Variants in CELSR1 observed in about 807,000 individuals in gnomAD.
The protein encoded by CELSR1 is adhesion G protein-coupled receptor C1.
CELSR1 carries 110 observed loss-of-function variants against 249.1 expected under a neutral mutation model. The ratio of observed to expected loss-of-function variants is 0.44; its 90% confidence interval spans 0.38 to 0.52. The LOEUF (loss-of-function observed/expected upper bound fraction) is 0.52. Ranked by LOEUF, CELSR1 falls within the 20% of genes least tolerant of loss-of-function variation. The probability of loss-of-function intolerance (pLI) is 0.00; values close to 1 mark genes in which losing one functional copy is unlikely to be tolerated. For synonymous variants in CELSR1, 2,113 were observed against 1,900.0 expected (o/e 1.11, Z -2.92); for missense variants, 4,109 against 4,296.4 (o/e 0.96, Z 1.22).
chr22:46,377,361 G>A (rs937541816), intron 23 of CELSR1, 100 bp from the exon 24 acceptor site: 20 of 1,301,304 alleles, frequency 1.5e-5, no homozygotes, highest in African/African-American at 2.9e-5. Context: ...CTTATGAAAC[G>A]ATCAAGGCTG....
In CELSR1 at chr22:46,436,205, C is replaced by T. The variant is rs746285029; in HGVS notation, c.4491G>A (p.Val1497=). The T allele has an allele frequency of 1.7e-5, 27 of 1,612,766 alleles. No individual in the cohort carries two copies. The highest frequency in any genetic ancestry group is 2.0e-5 in the Non-Finnish European group (24 of 1,178,988). ...AGAAGGTGAGCTGCACCTGCTCGTCCACGATCTCCAGGGCGATGAAGTCGT... is the reference window on the plus strand; with the variant it reads ...AGAAGGTGAGCTGCACCTGCTCGTCTACGATCTCCAGGGCGATGAAGTCGT... ...EKHDFIALEI[V]DEQVQLTFSA... is the part of the protein sequence containing the mutation. The change falls in exon 4 of 35, where the codon GTG becomes GTA. Residue 1497 remains valine, a synonymous_variant. Coordinates refer to ENST00000674500, the MANE Select transcript of CELSR1 (RefSeq NM_001378328.1). The surrounding 1 kb of genome is among the most constrained non-coding windows in gnomAD (Gnocchi z 5.9).
chr22:46,376,958 TGAGGAG>T, intron 24 of CELSR1, 97 bp downstream of exon 24: 1 of 1,156,530 alleles, frequency 8.6e-7, no homozygotes. Flanking sequence ...GTGGGGGTGG[TGAGGAG>T]GAGCTAGCCA....
In CELSR1 at chr22:46,490,902, T is replaced by C. The variant is rs1289581808; in HGVS notation, c.3545-26557A>G. Among the ~76,000 whole-genome samples the C allele has an allele frequency of 6.6e-6, 1 of 152,036 alleles. No homozygotes were observed. Among genetic ancestry groups the C allele is most frequent in the Non-Finnish European group, 1.5e-5 (1 of 67,994 alleles). On this transcript the variant is annotated intron_variant, in intron 1 of 34. Transcript: ENST00000674500. This position sits in a 1 kb window ranked among gnomAD's most constrained non-coding sequence, Gnocchi z 5.2. ...TTTTCGCTGCTCTACAGACCAGGCC[T>C]CAGAGGATCAGGAGGTCCAGTGACT...
At chr22:46,519,872 C>CTTTTT (rs369906485) in intron 1 of CELSR1, among the ~76,000 whole-genome samples, 1 of 138,900 alleles carries the variant, frequency 7.2e-6, no homozygotes, top group Non-Finnish European at 1.6e-5. Flanking sequence ...ACCCCTATTG[C>CTTTTT]TTTTTTTTTT....
intron 9 of CELSR1, among the ~76,000 whole-genome samples, chr22:46,405,493 T>G (rs983318776): frequency 6.6e-6 from 1 of 151,124 alleles, no homozygotes; most frequent in East Asian, 2.0e-4. Flanking sequence ...TCCTTTGCCA[T>G]CTCTTGCATT....
intron 1 of CELSR1, among the ~76,000 whole-genome samples, chr22:46,533,046 G>T (rs1403590710): frequency 6.6e-6 from 1 of 152,192 alleles, no homozygotes; most frequent in East Asian, 1.9e-4. Flanking sequence ...AAGATCAAAT[G>T]AGGCTATGCT....
chr22:46,489,973 T>G (rs1331848995), intron 1 of CELSR1, among the ~76,000 whole-genome samples: 1 of 151,336 alleles, frequency 6.6e-6, no homozygotes, highest in Non-Finnish European at 1.5e-5. Context: ...CCAGATGCGC[T>G]GCCCAGCCTG....
Position 46,390,560 on chromosome 22 carries a change from ATCT to A in CELSR1, c.6251-77_6251-75del. 8.1e-7 allele frequency: 1 copy of A among 1,229,114 alleles called. No individual in the cohort carries two copies. Among genetic ancestry groups the A allele is most frequent in the Non-Finnish European group, 1.2e-6 (1 of 850,726 alleles). 76.1% of individuals were successfully genotyped at this position (1,229,114 alleles called of 1,614,324 possible). On this transcript the variant is annotated intron_variant, in intron 16 of 34. Transcript: ENST00000674500. This position sits in a 1 kb window ranked among gnomAD's most constrained non-coding sequence, Gnocchi z 6.3. ...CAATGCTTGTGTATTTCAATCCACA[ATCT>A]GAATATACTTAAACCCAGAACACTG...
chr22:46,426,935 T>C (rs2079544138), intron 5 of CELSR1, among the ~76,000 whole-genome samples: 1 of 152,182 alleles, frequency 6.6e-6, no homozygotes, highest in Non-Finnish European at 1.5e-5. Flanking sequence ...TACCCAGCCT[T>C]GTGTGTTCTG....
chr22:46,524,899 T>C (rs1181606182), intron 1 of CELSR1, among the ~76,000 whole-genome samples: 1 of 152,086 alleles, frequency 6.6e-6, no homozygotes, highest in Non-Finnish European at 1.5e-5. Context: ...GTACCCCAAG[T>C]AAAGGCACTG....
intron 18 of CELSR1, among the ~76,000 whole-genome samples, chr22:46,388,206 G>A (rs1014185350): frequency 3.3e-5 from 5 of 152,072 alleles, no homozygotes; most frequent in East Asian, 1.9e-4. Context: ...AAAATTAGCC[G>A]GGCGTGGTGG....
rs1021930524 is a variant in CELSR1, at chr22:46,411,523, G to A, written c.4769+79C>T. Reference sequence around the variant, plus strand: ...CACTGCACCCAGAGTGCCTACGTGGGGCCCTGCCCTGGGAAGGCCGCAGGG... The same window carrying A: ...CACTGCACCCAGAGTGCCTACGTGGAGCCCTGCCCTGGGAAGGCCGCAGGG... On this transcript the variant is annotated intron_variant, in intron 6 of 34. Coordinates refer to ENST00000674500, the MANE Select transcript of CELSR1 (RefSeq NM_001378328.1). The surrounding 1 kb of genome is among the most constrained non-coding windows in gnomAD (Gnocchi z 4.2). The A allele has an allele frequency of 3.2e-6, 5 of 1,542,656 alleles. No homozygotes were observed. Among genetic ancestry groups the A allele is most frequent in the Admixed American group, 3.7e-5 (2 of 54,044 alleles).
chr22:46,534,549 G>C lies in CELSR1; in HGVS notation c.2622C>G (p.Asp874Glu). 2 of 1,613,700 alleles carry C rather than the reference G, an allele frequency of 1.2e-6. No homozygotes were observed. Among genetic ancestry groups the C allele is most frequent in the Non-Finnish European group, 1.7e-6 (2 of 1,180,024 alleles). The change falls in exon 1 of 35, where the codon GAC becomes GAG. Residue 874 changes from aspartate to glutamate, a missense_variant. Physicochemically the swap from Asp to Glu is conservative, Grantham distance 45. Transcript: ENST00000674500. This position sits in a 1 kb window ranked among gnomAD's most constrained non-coding sequence, Gnocchi z 9.7. ...AQDNGIPQKS[D>E]TTTLEILILD... ...GGATGAGGATCTCTAGGGTGGTGGTGTCTGATTTCTGCGGGATGCCGTTGT... is the reference window on the plus strand; with the variant it reads ...GGATGAGGATCTCTAGGGTGGTGGTCTCTGATTTCTGCGGGATGCCGTTGT...
At chr22:46,421,415 C>T (rs1331089014) in intron 5 of CELSR1, among the ~76,000 whole-genome samples, 4 of 152,160 alleles carry the variant, frequency 2.6e-5, no homozygotes, top group Non-Finnish European at 5.9e-5. Context: ...AGCCCTGGGG[C>T]GACTTTCCAT....
intron 1 of CELSR1, among the ~76,000 whole-genome samples, chr22:46,470,382 G>A (rs553358141): frequency 6.6e-6 from 1 of 151,976 alleles, no homozygotes; most frequent in Non-Finnish European, 1.5e-5. Context: ...CCCACAAGTT[G>A]GGAGGAGGCT....
chr22:46,389,655 C>A (rs1359040568), intron 17 of CELSR1, among the ~76,000 whole-genome samples, 156 bp from the exon 18 acceptor site: 1 of 152,264 alleles, frequency 6.6e-6, no homozygotes, highest in East Asian at 1.9e-4. Flanking sequence ...GTGGCTCACG[C>A]CTGTAATCCC....
At chr22:46,455,992 G>T (rs1458485003) in intron 2 of CELSR1, among the ~76,000 whole-genome samples, 1 of 152,210 alleles carries the variant, frequency 6.6e-6, no homozygotes, top group East Asian at 1.9e-4. Context: ...GAAGCACCAA[G>T]GAGAGAAAAA....
chr22:46,434,006 A>C lies in CELSR1; in HGVS notation c.4523-525T>G, dbSNP rs1348980730. ...CCTTGTTCCTTTTCTAAATATGAAA[A>C]AATATAAACACGGAAAACCCATCTG... On this transcript the variant is annotated intron_variant, in intron 4 of 34. Transcript: ENST00000674500. This position sits in a 1 kb window ranked among gnomAD's most constrained non-coding sequence, Gnocchi z 4.9. Among the ~76,000 whole-genome samples, 1 of 152,198 alleles carries C rather than the reference A, an allele frequency of 6.6e-6. No homozygotes were observed. Among genetic ancestry groups the C allele is most frequent in the Non-Finnish European group, 1.5e-5 (1 of 68,038 alleles).
chr22:46,395,461 C>T lies in CELSR1; in HGVS notation c.5843+1144G>A, dbSNP rs556369475. On this transcript the variant is annotated intron_variant, in intron 13 of 34. Coordinates refer to ENST00000674500, the MANE Select transcript of CELSR1 (RefSeq NM_001378328.1). The surrounding 1 kb of genome is among the most constrained non-coding windows in gnomAD (Gnocchi z 5.5). ...CTCTCCAGCTTGGCTCTGTTGCTTT[C>T]GCTCCCAGAATGCCCTCCCGCTTCA... is the stretch of plus-strand genomic sequence containing the variant. Among the ~76,000 whole-genome samples, 11 of 152,240 alleles carry T rather than the reference C, an allele frequency of 7.2e-5. No homozygotes were observed. In the East Asian group the frequency reaches 1.2e-3, roughly 16 times the overall value.
Sources: allele counts gnomAD v4.1 joint callset (sites outside exome capture counted in the v4.1 genomes callset), GRCh38; gene constraint gnomAD v4.1.1; non-coding constraint Gnocchi (gnomAD v3.1); transcripts MANE v1.5; gene names NCBI Gene and HGNC (gene_info 2026-07-23, HGNC 2026-07-21).